Variants in RUFY3 observed in about 807,000 individuals in gnomAD.
RUFY3 encodes the protein RUN and FYVE domain containing 3, also known as protein RUFY3.
In RUFY3, 34 loss-of-function variants were observed where a neutral mutation model predicts 84.0. The ratio of observed to expected loss-of-function variants is 0.40; its 90% CI spans 0.31 to 0.54. The LOEUF (loss-of-function observed/expected upper bound fraction) is 0.54, where lower values mean the gene tolerates loss of function less well. RUFY3 is among the 20% of genes least tolerant of loss of function. The pLI, the probability that RUFY3 is intolerant of heterozygous loss-of-function variation, is 0.39. For synonymous variants in RUFY3, 242 were observed against 252.9 expected, an observed-to-expected ratio of 0.96 and a Z score of 0.41; for missense variants, 507 against 736.8, an observed-to-expected ratio of 0.69 and a Z score of 3.61.
intron 1 of RUFY3, among the ~76,000 whole-genome samples, chr4:70,757,161 C>T (rs530235022): frequency 6.6e-6 from 1 of 151,906 alleles, no homozygotes; most frequent in African/African-American, 2.4e-5. Flanking sequence ...TTTATTATCC[C>T]AGGTACTCAG....
chr4:70,722,095 C>G lies in RUFY3; in HGVS notation c.-479C>G. 1 of 1,231,728 alleles carries G rather than the reference C, an allele frequency of 8.1e-7. No individual in the cohort carries two copies. The highest frequency in any genetic ancestry group is 1.0e-6 in the Non-Finnish European group (1 of 987,760). The allele number at this position is 1,231,728 out of a possible 1,614,324, so 76.3% of individuals were successfully genotyped here. On this transcript the variant is annotated 5_prime_UTR_variant, in exon 1 of 18. Coordinates refer to ENST00000381006, the MANE Select transcript of RUFY3 (RefSeq NM_001037442.4). ...TGCAGCTCAGGATTTTTTTTTTAAGCTACATTGAAAATATAGGTTTATTTT... is the reference window on the plus strand; with the variant it reads ...TGCAGCTCAGGATTTTTTTTTTAAGGTACATTGAAAATATAGGTTTATTTT...
intron 8 of RUFY3, among the ~76,000 whole-genome samples, chr4:70,779,542 A>G (rs1728545821): frequency 1.3e-5 from 2 of 148,408 alleles, no homozygotes; most frequent in South Asian, 4.3e-4. Flanking sequence ...ACTAAATAAC[A>G]TTGTCCAGAT....
chr4:70,745,536 T>A (rs1275166040), intron 1 of RUFY3, among the ~76,000 whole-genome samples: 1 of 152,230 alleles, frequency 6.6e-6, no homozygotes, highest in African/African-American at 2.4e-5. Flanking sequence ...ACAGATTTTG[T>A]AAATTTGCAG....
In RUFY3 at chr4:70,806,839, A is replaced by G; in HGVS notation, c.*180A>G. On this transcript the variant is annotated 3_prime_UTR_variant, in exon 18 of 18. Transcript: ENST00000381006. ...ACTGGAAATTTTGCTCATTTTCTCTAATGACTGTATGAATAAAAGTGAACT... is the reference window on the plus strand; with the variant it reads ...ACTGGAAATTTTGCTCATTTTCTCTGATGACTGTATGAATAAAAGTGAACT... 1.6e-6 allele frequency: 1 copy of G among 624,540 alleles called. No homozygotes were observed. The highest frequency in any genetic ancestry group is 2.7e-6 in the Non-Finnish European group (1 of 377,240). The allele number at this position is 624,540 out of a possible 1,614,324, so 38.7% of individuals were successfully genotyped here. A position where few individuals can be genotyped will look rare whatever the true frequency, so the allele number is the denominator to read the frequency against.
upstream of RUFY3, chr4:70,721,955 T>A: frequency 8.1e-7 from 1 of 1,232,104 alleles, no homozygotes; most frequent in Non-Finnish European, 1.0e-6. Flanking sequence ...GAGCCTGAAT[T>A]TTCAGTTCAG....
intron 17 of RUFY3, among the ~76,000 whole-genome samples, chr4:70,805,623 T>C (rs1434433667): frequency 6.6e-6 from 1 of 152,218 alleles, no homozygotes; most frequent in South Asian, 2.1e-4. Flanking sequence ...ACTGCCCTTA[T>C]AGAACTGGAA....
intron 1 of RUFY3, among the ~76,000 whole-genome samples, chr4:70,750,495 A>G (rs538176865): frequency 6.6e-6 from 1 of 152,310 alleles, no homozygotes; most frequent in East Asian, 1.9e-4. Context: ...TATTATGTCT[A>G]AAAACTTTAG....
chr4:70,789,717 T>C lies in RUFY3; in HGVS notation c.1337+125T>C, dbSNP rs545560421. On this transcript the variant is annotated intron_variant, in intron 12 of 17. Transcript: ENST00000381006. ...TCCAAATTAGCATCAGACATTCTGG[T>C]AGAAAAAAGCCAGTTGAATGTTATG... 7.3e-6 allele frequency: 10 copies of C among 1,370,940 alleles called. No homozygotes were observed. In the African/African-American group the frequency reaches 1.3e-4, roughly 18 times the overall value. 84.9% of individuals were successfully genotyped at this position (1,370,940 alleles called of 1,614,324 possible).
chr4:70,792,246 A>G, intron 12 of RUFY3: 1 of 985,202 alleles, frequency 1.0e-6, no homozygotes, highest in Non-Finnish European at 1.2e-6. Context: ...TCTTACCTGG[A>G]AACATTTACT....
chr4:70,705,197 C>A (rs1740130561), exon 1 of RUFY3: 2 of 1,462,276 alleles, frequency 1.4e-6, no homozygotes, highest in African/African-American at 2.9e-5. Flanking sequence ...AGCAGCAGCG[C>A]TCCTGGAGGA....
intron 1 of RUFY3, among the ~76,000 whole-genome samples, chr4:70,705,595 C>T (rs1193584819): frequency 6.6e-6 from 1 of 152,174 alleles, no homozygotes; most frequent in Non-Finnish European, 1.5e-5. Context: ...CGGCCTCCCA[C>T]GTGCTTGGGC....
chr4:70,740,404 C>T (rs943348543), intron 1 of RUFY3, among the ~76,000 whole-genome samples: 1 of 152,172 alleles, frequency 6.6e-6, no homozygotes, highest in African/African-American at 2.4e-5. Flanking sequence ...CCCTGGTATC[C>T]ACCACGCATT....
chr4:70,791,170 GTT>G, intron 12 of RUFY3: 1 of 1,452,044 alleles, frequency 6.9e-7, no homozygotes, highest in South Asian at 1.2e-5. Flanking sequence ...TGTGTTTCCT[GTT>G]TATCCATTTT....
intron 1 of RUFY3, among the ~76,000 whole-genome samples, chr4:70,747,587 A>G (rs1722436170): frequency 6.6e-6 from 1 of 151,960 alleles, no homozygotes; most frequent in South Asian, 2.1e-4. Flanking sequence ...CTGGGCTAGT[A>G]ACCTTGCATC....
Position 70,743,359 on chromosome 4 carries a change from A to G in RUFY3, c.179-19160A>G, listed in dbSNP as rs1721631987. ...AGTGCTGGGATTACAAGTGTGAACCACTGTGCCTGGCCTATTATCATTATT... is the reference window on the plus strand; with the variant it reads ...AGTGCTGGGATTACAAGTGTGAACCGCTGTGCCTGGCCTATTATCATTATT... On this transcript the variant is annotated intron_variant, in intron 1 of 17. Transcript: ENST00000381006. 3.3e-5 allele frequency among the ~76,000 whole-genome samples: 5 copies of G among 152,308 alleles called. No homozygotes were observed. The South Asian group carries it at 8.3e-4, about 25-fold the overall frequency.
chr4:70,797,905 T>C (rs1189336815), intron 14 of RUFY3, among the ~76,000 whole-genome samples: 2 of 152,168 alleles, frequency 1.3e-5, no homozygotes, highest in East Asian at 3.8e-4. Context: ...ATTATTTTAG[T>C]TTAGTGAACA....
At chr4:70,734,307 G>T (rs1006272091) in intron 1 of RUFY3, 2 of 624,006 alleles carry the variant, frequency 3.2e-6, no homozygotes, top group Non-Finnish European at 4.0e-6. Flanking sequence ...ACAGAATTGT[G>T]TTATTGTTCT....
intron 1 of RUFY3, among the ~76,000 whole-genome samples, chr4:70,742,659 A>G (rs1203890688): frequency 6.6e-6 from 1 of 152,210 alleles, no homozygotes; most frequent in Non-Finnish European, 1.5e-5. Context: ...GTGTTTATCA[A>G]CCTAGTTAAA....
chr4:70,730,329 A>T (rs1275577983), intron 1 of RUFY3, among the ~76,000 whole-genome samples: 1 of 152,166 alleles, frequency 6.6e-6, no homozygotes, highest in African/African-American at 2.4e-5. Context: ...ATCTGGCCTG[A>T]TTAGTTACTT....
Sources: gnomAD v4.1 joint callset for allele counts (sites outside exome capture counted in the v4.1 genomes callset) on GRCh38, gnomAD v4.1.1 for gene constraint, MANE v1.5 for transcripts, NCBI Gene and HGNC (gene_info 2026-07-23, HGNC 2026-07-21) for gene names.